Variants in ENTREP2 observed in about 807,000 individuals in gnomAD.
The protein encoded by ENTREP2 is protein ENTREP2.
chr15:29,631,920 G>A, the ENTREP2 span, among the ~76,000 whole-genome samples: 4 of 152,118 alleles, frequency 2.6e-5, no homozygotes, highest in East Asian at 1.9e-4. Flanking sequence ...GCTGCTGGGC[G>A]GGGCATAGGA....
At chr15:29,352,006 C>T in the ENTREP2 span, among the ~76,000 whole-genome samples, 1 of 152,192 alleles carries the variant, frequency 6.6e-6, no homozygotes, top group East Asian at 1.9e-4. Context: ...ACAATCATAA[C>T]TAACTATAAC....
At chr15:29,334,062 T>A in the ENTREP2 span, among the ~76,000 whole-genome samples, 12 of 152,304 alleles carry the variant, frequency 7.9e-5, no homozygotes, top group South Asian at 1.9e-3. Context: ...AACACCTTGA[T>A]CTCTGCTTTC....
chr15:29,378,797 G>C, the ENTREP2 span, among the ~76,000 whole-genome samples: 1 of 152,128 alleles, frequency 6.6e-6, no homozygotes, highest in African/African-American at 2.4e-5. Context: ...ATCTGTGTAT[G>C]CGTGTGTATA....
chr15:29,395,711 TC>T, the ENTREP2 span, among the ~76,000 whole-genome samples: 176 of 150,962 alleles, frequency 1.2e-3, 1 homozygote, highest in African/African-American at 3.2e-3. Context: ...TATTTTTTTT[TC>T]TCAAGAGATG....
chr15:29,377,394 G>A, the ENTREP2 span, among the ~76,000 whole-genome samples: 1 of 152,040 alleles, frequency 6.6e-6, no homozygotes, highest in African/African-American at 2.4e-5. Context: ...GTGTGTGTGT[G>A]GAGAACGGAT....
the ENTREP2 span, among the ~76,000 whole-genome samples, chr15:29,653,439 T>G: frequency 6.6e-6 from 1 of 152,194 alleles, no homozygotes; most frequent in African/African-American, 2.4e-5. Context: ...TCATTTTGAG[T>G]TGTAATCCCC....
chr15:29,657,259 C>T, the ENTREP2 span, among the ~76,000 whole-genome samples: 3 of 151,652 alleles, frequency 2.0e-5, 1 homozygote, highest in East Asian at 1.9e-4. Flanking sequence ...CAGGGTTTCA[C>T]CGTATTAGCC....
the ENTREP2 span, among the ~76,000 whole-genome samples, chr15:29,482,613 G>C: frequency 6.6e-6 from 1 of 152,074 alleles, no homozygotes; most frequent in African/African-American, 2.4e-5. Flanking sequence ...CTTCAGACTG[G>C]CTTCTTTCCC....
At chr15:29,124,820 C>T in the ENTREP2 span, 1 of 1,413,632 alleles carries the variant, frequency 7.1e-7, no homozygotes, top group Non-Finnish European at 9.8e-7. Context: ...CCTGAGAAAG[C>T]TATCATAACC....
At chr15:29,546,811 C>T in the ENTREP2 span, among the ~76,000 whole-genome samples, 2 of 148,040 alleles carry the variant, frequency 1.4e-5, no homozygotes, top group Admixed American at 6.8e-5. Context: ...GGCATGAACC[C>T]GGGAGGCCGA....
the ENTREP2 span, among the ~76,000 whole-genome samples, chr15:29,377,675 A>G: frequency 6.6e-6 from 1 of 151,918 alleles, no homozygotes; most frequent in African/African-American, 2.4e-5. Flanking sequence ...TACAAAAATT[A>G]GCTGGGCGTG....
At chr15:29,464,737 G>A in the ENTREP2 span, among the ~76,000 whole-genome samples, 4 of 152,154 alleles carry the variant, frequency 2.6e-5, no homozygotes, top group African/African-American at 9.7e-5. Context: ...TGGGCAGGGG[G>A]CAGCGAGGCC....
the ENTREP2 span, among the ~76,000 whole-genome samples, chr15:29,368,337 A>AAAAAATATAT: frequency 4.1e-5 from 6 of 146,100 alleles, no homozygotes; most frequent in African/African-American, 1.3e-4. Flanking sequence ...CAAAAAAAAA[A>AAAAAATATAT]ATATATATAT....
At chr15:29,444,190 GAAA>G in the ENTREP2 span, among the ~76,000 whole-genome samples, 1 of 92,268 alleles carries the variant, frequency 1.1e-5, no homozygotes, top group African/African-American at 4.0e-5. Context: ...AAGAAAGAAA[GAAA>G]GAAAGAAAGA....
At chr15:29,269,171 G>A in the ENTREP2 span, 2 of 1,614,018 alleles carry the variant, frequency 1.2e-6, no homozygotes, top group African/African-American at 2.7e-5. Context: ...ACGATCATCA[G>A]GAGGCCCGTA....
At chr15:29,348,359 C>T in the ENTREP2 span, among the ~76,000 whole-genome samples, 2 of 152,074 alleles carry the variant, frequency 1.3e-5, no homozygotes, top group Non-Finnish European at 2.9e-5. Flanking sequence ...CAATGTTGAA[C>T]GGGTCTGGCC....
chr15:29,504,509 G>A, the ENTREP2 span, among the ~76,000 whole-genome samples: 57 of 152,218 alleles, frequency 3.7e-4, no homozygotes, highest in Non-Finnish European at 7.3e-4. Flanking sequence ...GAAATAGACA[G>A]GTTGGAAAAG....
chr15:29,397,345 T>G, the ENTREP2 span, among the ~76,000 whole-genome samples: 18 of 152,036 alleles, frequency 1.2e-4, no homozygotes, highest in Non-Finnish European at 2.2e-4. Flanking sequence ...GAGCCGAGAT[T>G]GTGCCACTGC....
the ENTREP2 span, chr15:29,252,470 A>C: frequency 6.5e-7 from 1 of 1,545,506 alleles, no homozygotes; most frequent in Non-Finnish European, 8.8e-7. Context: ...GCAGCATGAA[A>C]AAGGTTATCT....
Sources: allele counts gnomAD v4.1 joint callset (sites outside exome capture counted in the v4.1 genomes callset), GRCh38; gene constraint gnomAD v4.1.1; transcripts MANE v1.5; gene names NCBI Gene and HGNC (gene_info 2026-07-23, HGNC 2026-07-21).